Variants in SNRPA observed in about 807,000 individuals in gnomAD.
SNRPA encodes the protein U1 small nuclear ribonucleoprotein A.
SNRPA carries 10 observed loss-of-function variants against 24.5 expected under a neutral mutation model. The ratio of observed to expected loss-of-function variants is 0.41; its 90% CI spans 0.25 to 0.69. The LOEUF (loss-of-function observed/expected upper bound fraction) is 0.69. Among genes scored for constraint, SNRPA ranks in the 30% least tolerant of loss-of-function variants. SNRPA has a pLI of 0.33. For missense variants in SNRPA, 283 were observed against 394.7 expected (o/e 0.72, Z 2.40); for synonymous variants, 165 against 148.4 (o/e 1.11, Z -0.81).
intron 3 of SNRPA, among the ~76,000 whole-genome samples, chr19:40,761,038 T>G (rs1187829756): frequency 6.6e-6 from 1 of 151,606 alleles, no homozygotes; most frequent in Middle Eastern, 3.2e-3. Flanking sequence ...CTCGGCTCAC[T>G]GCAACCTCTG....
At chr19:40,757,267 C>G (rs1266251205) in intron 1 of SNRPA, 65 bp from the exon 2 acceptor site, 2 of 1,517,530 alleles carry the variant, frequency 1.3e-6, no homozygotes, top group Non-Finnish European at 9.1e-7. Context: ...GGCTGATGGT[C>G]TTCTATTTGG....
chr19:40,761,497 C>T (rs181890537), intron 3 of SNRPA, among the ~76,000 whole-genome samples: 112 of 113,046 alleles, frequency 9.9e-4, no homozygotes, highest in Admixed American at 2.0e-3. Flanking sequence ...GACAGAGCCT[C>T]GCTCTGTAGT....
chr19:40,751,390 T>TA lies in SNRPA; in HGVS notation c.-18dup, dbSNP rs2082859038. ...GTCACGTTTTTCCTCCTTTAAGACT[T>TA]ACCTCAACACTTCACTCCATGGCAG... On this transcript the variant is annotated 5_prime_UTR_variant, in exon 1 of 6. Coordinates refer to ENST00000243563, the MANE Select transcript of SNRPA (RefSeq NM_004596.5). 1 of 1,598,454 alleles carries TA rather than the reference T, an allele frequency of 6.3e-7. No individual in the cohort carries two copies.
intron 4 of SNRPA, 113 bp downstream of exon 4, chr19:40,763,187 G>A: frequency 2.7e-6 from 2 of 753,188 alleles, no homozygotes; most frequent in Non-Finnish European, 4.3e-6. Context: ...GGCCCCCTGA[G>A]GAGGTGGTAC....
At chr19:40,754,328 C>A (rs190031917) in intron 1 of SNRPA, among the ~76,000 whole-genome samples, 13 of 152,124 alleles carry the variant, frequency 8.5e-5, no homozygotes, top group Non-Finnish European at 1.9e-4. Context: ...GTCTCGAACT[C>A]CTGAACTGTG....
chr19:40,762,799 G>A (rs1197185933), intron 3 of SNRPA, 102 bp from the exon 4 acceptor site: 1 of 1,258,248 alleles, frequency 7.9e-7, no homozygotes, highest in Non-Finnish European at 1.1e-6. Context: ...CTCTTTCTGG[G>A]TGTTTTTCCT....
chr19:40,759,985 C>T (rs569741190), intron 3 of SNRPA, among the ~76,000 whole-genome samples: 3 of 152,166 alleles, frequency 2.0e-5, no homozygotes, highest in African/African-American at 4.8e-5. Flanking sequence ...TTAGAAAGAT[C>T]GCTGGATATA....
intron 3 of SNRPA, among the ~76,000 whole-genome samples, chr19:40,759,853 A>G (rs1432364165): frequency 2.0e-5 from 3 of 151,946 alleles, no homozygotes; most frequent in East Asian, 3.9e-4. Flanking sequence ...CTTCATGGCT[A>G]TGACTTGGTT....
intron 3 of SNRPA, among the ~76,000 whole-genome samples, chr19:40,761,610 G>A (rs1474286768): frequency 6.6e-6 from 1 of 151,516 alleles, no homozygotes; most frequent in Non-Finnish European, 1.5e-5. Flanking sequence ...GGGACTACAG[G>A]CATGTGCCAC....
At chr19:40,753,348 CAAAA>C (rs531847938) in intron 1 of SNRPA, among the ~76,000 whole-genome samples, 1 of 79,332 alleles carries the variant, frequency 1.3e-5, no homozygotes, top group African/African-American at 4.2e-5. Context: ...GAGACTGTCT[CAAAA>C]AAAAAAAATC....
rs746525368 is a variant in SNRPA at position 40,753,384 on chromosome 19, G to GTTTT, written c.73+1930_73+1933dup. ...AATCAGGAGTGTAAATTTTGCATAT[G>GTTTT]TTTTTTTTTTTTTTTTTTTTTTTTT... On this transcript the variant is annotated intron_variant, in intron 1 of 5. Transcript: ENST00000243563. Among the ~76,000 whole-genome samples the GTTTT allele has an allele frequency of 1.4e-3, 55 of 38,380 alleles. 5 individuals are homozygous for GTTTT. The highest frequency in any genetic ancestry group is 5.2e-3 in the African/African-American group (46 of 8,890). 25.2% of individuals were successfully genotyped at this position (38,380 alleles called of 152,430 possible). A position where few individuals can be genotyped will look rare whatever the true frequency, so the allele number is the denominator to read the frequency against.
chr19:40,757,259 C>T, intron 1 of SNRPA, 73 bp from the exon 2 acceptor site: 1 of 1,441,332 alleles, frequency 6.9e-7, no homozygotes, highest in Non-Finnish European at 9.7e-7. Context: ...CATCAATTGG[C>T]TGATGGTCTT....
chr19:40,759,395 C>A, intron 2 of SNRPA, 36 bp from the exon 3 acceptor site: 1 of 1,552,034 alleles, frequency 6.4e-7, no homozygotes. Flanking sequence ...GGCTCTGAAT[C>A]CACGCTCTTA....
intron 1 of SNRPA, among the ~76,000 whole-genome samples, chr19:40,753,554 G>A (rs1282338523): frequency 1.4e-5 from 2 of 146,818 alleles, no homozygotes; most frequent in African/African-American, 5.0e-5. Flanking sequence ...CCGCCACCAC[G>A]CCTGGCTAAT....
At chr19:40,757,979 T>A (rs990548358) in intron 2 of SNRPA, among the ~76,000 whole-genome samples, 16 of 146,784 alleles carry the variant, frequency 1.1e-4, no homozygotes, top group East Asian at 5.9e-4. Context: ...ATAAATAAAT[T>A]ATTTTGAGAC....
intron 1 of SNRPA, among the ~76,000 whole-genome samples, chr19:40,753,384 GTTTTTTTTTTTTTT>G (rs746525368): frequency 2.3e-4 from 9 of 38,390 alleles, no homozygotes; most frequent in Admixed American, 4.9e-4. Context: ...TTTTGCATAT[GTTTTTTTTTTTTTT>G]TTTTTTTTTT....
intron 1 of SNRPA, among the ~76,000 whole-genome samples, chr19:40,751,719 C>T (rs1259809316): frequency 6.6e-6 from 1 of 152,166 alleles, no homozygotes; most frequent in Non-Finnish European, 1.5e-5. Context: ...ACCCTTCCTC[C>T]AGGAAGCCTT....
chr19:40,751,946 G>A (rs1379784149), intron 1 of SNRPA, among the ~76,000 whole-genome samples: 1 of 152,174 alleles, frequency 6.6e-6, no homozygotes, highest in African/African-American at 2.4e-5. Context: ...TCTGTATCAT[G>A]GGCTGGTCTG....
intron 1 of SNRPA, chr19:40,756,926 C>A: frequency 4.7e-6 from 1 of 213,822 alleles, no homozygotes; most frequent in East Asian, 1.5e-4. Context: ...GACCTGGGGG[C>A]CAGTGTGGTT....
Sources: gnomAD v4.1 joint callset for allele counts (sites outside exome capture counted in the v4.1 genomes callset) on GRCh38, gnomAD v4.1.1 for gene constraint, MANE v1.5 for transcripts, NCBI Gene and HGNC (gene_info 2026-07-23, HGNC 2026-07-21) for gene names.